The following PINX1 variants were observed in gnomAD, a reference collection of about 807,000 sequenced individuals.
PINX1 encodes PIN2 (TERF1) interacting telomerase inhibitor 1.
Under a neutral mutation model 25.4 loss-of-function variants are expected in PINX1, and 34 were observed. That is an observed-to-expected ratio of 1.34 (90% CI 1.02 to 1.78). The LOEUF (loss-of-function observed/expected upper bound fraction) is 1.78, where lower values mean the gene tolerates loss of function less well. Ranked by LOEUF, PINX1 falls within the 40% of genes most tolerant of loss-of-function variation. PINX1 has a pLI of 0.00. For missense variants in PINX1, 592 were observed against 404.9 expected (o/e 1.46, Z -3.97); for synonymous variants, 197 against 147.7 (o/e 1.33, Z -2.42).
intron 3 of PINX1, 128 bp from the exon 4 acceptor site, chr8:10,831,871 TA>T: frequency 1.6e-6 from 1 of 642,894 alleles, no homozygotes; most frequent in Non-Finnish European, 2.8e-6. Flanking sequence ...ATCAAAATAC[TA>T]TTTGATAAAT....
intron 6 of PINX1, among the ~76,000 whole-genome samples, chr8:10,818,020 A>G (rs1381858627): frequency 1.3e-5 from 2 of 152,216 alleles, no homozygotes; most frequent in Admixed American, 6.5e-5. Context: ...CTTGGGCAGA[A>G]CCCTGGCATT....
chr8:10,828,297 A>C (rs1320713541), intron 4 of PINX1, among the ~76,000 whole-genome samples: 2 of 152,178 alleles, frequency 1.3e-5, no homozygotes, highest in African/African-American at 4.8e-5. Context: ...TTCAATGCTG[A>C]TGTTCCAATC....
At chr8:10,790,447 A>C (rs1801887435) in intron 6 of PINX1, among the ~76,000 whole-genome samples, 1 of 152,156 alleles carries the variant, frequency 6.6e-6, no homozygotes, top group South Asian at 2.1e-4. Context: ...AGGGTGAGCC[A>C]GCAGAGGCTT....
chr8:10,772,655 T>TA (rs1372039488), intron 6 of PINX1, among the ~76,000 whole-genome samples: 1 of 152,260 alleles, frequency 6.6e-6, no homozygotes, highest in Non-Finnish European at 1.5e-5. Context: ...GTTTTAGCAT[T>TA]AGCAAGTATC....
intron 5 of PINX1, among the ~76,000 whole-genome samples, chr8:10,824,556 G>A (rs182301266): frequency 3.3e-5 from 5 of 152,274 alleles, no homozygotes; most frequent in Admixed American, 6.5e-5. Flanking sequence ...GGCACTCAGC[G>A]GTCTCACAGG....
intron 6 of PINX1, among the ~76,000 whole-genome samples, chr8:10,782,391 A>G (rs192604993): frequency 6.6e-6 from 1 of 151,944 alleles, no homozygotes; most frequent in African/African-American, 2.4e-5. Context: ...TATGTAACTC[A>G]TAACATGTAC....
chr8:10,830,638 A>T (rs1214671359), intron 4 of PINX1, among the ~76,000 whole-genome samples: 2 of 152,256 alleles, frequency 1.3e-5, no homozygotes, highest in Non-Finnish European at 2.9e-5. Context: ...AGATTACAAC[A>T]AAATCCAATT....
At chr8:10,776,421 C>T (rs1344947657) in intron 6 of PINX1, among the ~76,000 whole-genome samples, 1 of 117,730 alleles carries the variant, frequency 8.5e-6, no homozygotes, top group Non-Finnish European at 1.8e-5. Flanking sequence ...TGAGACTCCG[C>T]TCAATAAATA....
intron 6 of PINX1, among the ~76,000 whole-genome samples, chr8:10,770,627 T>C (rs540693191): frequency 2.4e-4 from 37 of 152,250 alleles, no homozygotes; most frequent in Middle Eastern, 6.8e-3. Flanking sequence ...CTGAGATGGA[T>C]TATTAGTACA....
intron 6 of PINX1, among the ~76,000 whole-genome samples, chr8:10,805,556 A>G (rs1248951407): frequency 2.8e-4 from 38 of 135,768 alleles, no homozygotes; most frequent in Non-Finnish European, 1.2e-4. Context: ...GAGCACAGGA[A>G]GGGGCCACAC....
chr8:10,766,840 G>T (rs1266814520), intron 6 of PINX1, among the ~76,000 whole-genome samples: 1 of 152,180 alleles, frequency 6.6e-6, no homozygotes, highest in Non-Finnish European at 1.5e-5. Context: ...ATTCCTAAGG[G>T]GAGAGGCTGG....
At chr8:10,805,745 G>A (rs79263857) in intron 6 of PINX1, among the ~76,000 whole-genome samples, 6 of 59,708 alleles carry the variant, frequency 1.0e-4, no homozygotes, top group Admixed American at 2.0e-4. Flanking sequence ...AGTGGGTGAC[G>A]GAGCACAGGA....
At chr8:10,801,738 T>G (rs772250179) in intron 6 of PINX1, among the ~76,000 whole-genome samples, 1 of 152,144 alleles carries the variant, frequency 6.6e-6, no homozygotes, top group African/African-American at 2.4e-5. Context: ...CCACCTCTAA[T>G]GAAAAAGAAT....
At chr8:10,839,299 T>G (rs1798498094) in intron 1 of PINX1, among the ~76,000 whole-genome samples, 1 of 152,222 alleles carries the variant, frequency 6.6e-6, no homozygotes, top group African/African-American at 2.4e-5. Context: ...CTTTGCTTTT[T>G]CTTTTTCTGG....
At chr8:10,820,409 ACTT>A in intron 5 of PINX1, 140 bp from the exon 6 acceptor site, 1 of 689,436 alleles carries the variant, frequency 1.5e-6, no homozygotes, top group Non-Finnish European at 2.6e-6. Flanking sequence ...CTTTCTACCC[ACTT>A]TTTCATTACA....
chr8:10,792,386 G>A (rs959671268), intron 6 of PINX1, among the ~76,000 whole-genome samples: 5 of 151,924 alleles, frequency 3.3e-5, no homozygotes, highest in Non-Finnish European at 5.9e-5. Flanking sequence ...GAGATGCCCC[G>A]GGGGCCACGT....
intron 1 of PINX1, among the ~76,000 whole-genome samples, chr8:10,835,891 C>G (rs573026740): frequency 1.2e-4 from 18 of 152,054 alleles, no homozygotes; most frequent in African/African-American, 4.3e-4. Flanking sequence ...AATTACTGAT[C>G]ATTATGAACT....
At chr8:10,812,813 C>G (rs1797573110) in intron 6 of PINX1, among the ~76,000 whole-genome samples, 1 of 151,974 alleles carries the variant, frequency 6.6e-6, no homozygotes, top group Non-Finnish European at 1.5e-5. Context: ...CTCCCTGACA[C>G]CGCCCAGCCT....
chr8:10,820,094 T>C (rs1797819952), intron 6 of PINX1, 99 bp downstream of exon 6: 1 of 787,068 alleles, frequency 1.3e-6, no homozygotes, highest in Non-Finnish European at 2.2e-6. Context: ...TTGGAAAGTT[T>C]GTCAGAAAAG....
Sources: gnomAD v4.1 joint callset for allele counts (sites outside exome capture counted in the v4.1 genomes callset) on GRCh38, gnomAD v4.1.1 for gene constraint, MANE v1.5 for transcripts, NCBI Gene and HGNC (gene_info 2026-07-23, HGNC 2026-07-21) for gene names.